Variants in DMAC1 observed in about 807,000 individuals in gnomAD.
DMAC1 encodes distal membrane arm assembly component 1.
In DMAC1, 10 loss-of-function variants were observed where a neutral mutation model predicts 7.0. That is an observed-to-expected ratio of 1.43 (90% CI 0.88 to 2.43). The LOEUF is 2.43. Ranked by LOEUF, DMAC1 falls within the 30% of genes most tolerant of loss-of-function variation. The probability of loss-of-function intolerance (pLI) is 0.00; values close to 1 mark genes in which losing one functional copy is unlikely to be tolerated. For synonymous variants in DMAC1, 92 were observed against 66.2 expected, an observed-to-expected ratio of 1.39 and a Z score of -1.90; for missense variants, 219 against 158.7, an observed-to-expected ratio of 1.38 and a Z score of -2.04.
chr9:7,798,839 A>T (rs1228331173), intron 1 of DMAC1, among the ~76,000 whole-genome samples: 2 of 152,188 alleles, frequency 1.3e-5, no homozygotes, highest in African/African-American at 4.8e-5. Flanking sequence ...ATTTACCTAT[A>T]CAGGATCAAG....
In DMAC1 at chr9:7,798,358, G is replaced by C. The variant is rs1171790046; in HGVS notation, c.*215C>G. 1 of 526,254 alleles carries C rather than the reference G, an allele frequency of 1.9e-6. No individual in the cohort carries two copies. The highest frequency in any genetic ancestry group is 3.5e-6 in the Non-Finnish European group (1 of 288,534). The allele number at this position is 526,254 out of a possible 1,614,324, so 32.6% of individuals were successfully genotyped here. On this transcript the variant is annotated 3_prime_UTR_variant, in exon 2 of 2. Coordinates refer to ENST00000358227, the MANE Select transcript of DMAC1 (RefSeq NM_033428.3). ...CAAAGAACCTGTTTACTTCTCTGAG[G>C]GATTTATTGGTTCCTGTGAAATCTG...
chr9:7,797,889 C>T lies in DMAC1; in HGVS notation c.*684G>A, dbSNP rs1818647055. On this transcript the variant is annotated 3_prime_UTR_variant, in exon 2 of 2. Coordinates refer to ENST00000358227, the MANE Select transcript of DMAC1 (RefSeq NM_033428.3). ...CACGGACTTACTGAATGACCCTAGG[C>T]AAATCATGTGGGCTCTTTCTTGTGT... The T allele has an allele frequency of 6.6e-6, 1 of 152,138 alleles. No homozygotes were observed. Among genetic ancestry groups the T allele is most frequent in the Non-Finnish European group, 1.5e-5 (1 of 68,044 alleles). 9.4% of individuals were successfully genotyped at this position (152,138 alleles called of 1,614,324 possible).
Position 7,799,768 on chromosome 9 carries a change from T to A in DMAC1, c.-34A>T. On this transcript the variant is annotated 5_prime_UTR_variant, in exon 1 of 2. Transcript: ENST00000358227. Reference sequence around the variant, plus strand: ...ACTCGGCCTCAACCTTGGGCGTCTTTGGTTCAAACTGGCGTAAACGACGCA... The same window carrying A: ...ACTCGGCCTCAACCTTGGGCGTCTTAGGTTCAAACTGGCGTAAACGACGCA... 6.7e-7 allele frequency: 1 copy of A among 1,495,304 alleles called. No homozygotes were observed. The highest frequency in any genetic ancestry group is 8.9e-7 in the Non-Finnish European group (1 of 1,128,298). The allele number at this position is 1,495,304 out of a possible 1,614,324, so 92.6% of individuals were successfully genotyped here.
At chr9:7,798,993 G>T (rs185294932) in intron 1 of DMAC1, among the ~76,000 whole-genome samples, 1 of 152,184 alleles carries the variant, frequency 6.6e-6, no homozygotes, top group Admixed American at 6.5e-5. Context: ...CCAAGTAGGT[G>T]AGCTTAGAAT....
At chr9:7,798,671 C>G (rs781345445) in intron 1 of DMAC1, 34 bp from the exon 2 acceptor site, 11 of 1,491,538 alleles carry the variant, frequency 7.4e-6, no homozygotes, top group Non-Finnish European at 9.9e-6. Flanking sequence ...TACCTTTATG[C>G]TGCATTTAAA....
Position 7,799,473 on chromosome 9 carries a change from C to T in DMAC1, c.262G>A (p.Val88Ile), listed in dbSNP as rs771891192. Residue 88 changes from valine (V) to isoleucine (I), a missense_variant, in exon 1 of 2, where the codon GTC becomes ATC. Transcript: ENST00000358227. Reference protein sequence around the residue: ...PPSPWTITQMVIGLSIATWGI... With the variant: ...PPSPWTITQMIIGLSIATWGI... ...CCTTGATTCTCACTGAGGCCGATGA[C>T]CATCTGCGTAATGGTCCATGGACTC... 4 of 1,612,808 alleles carry T rather than the reference C, an allele frequency of 2.5e-6. No homozygotes were observed. Among genetic ancestry groups the T allele is most frequent in the Non-Finnish European group, 3.4e-6 (4 of 1,180,014 alleles).
In DMAC1 at chr9:7,799,478, T is replaced by C. The variant is rs368682578; in HGVS notation, c.257A>G (p.Gln86Arg). ...GYPPSPWTIT[Q>R]MVIGLSIATW... is the part of the protein sequence containing the mutation. The stretch of plus-strand genomic sequence containing the variant: ...ATTCTCACTGAGGCCGATGACCATC[T>C]GCGTAATGGTCCATGGACTCGGGGG... The change falls in exon 1 of 2, where the codon CAG becomes CGG. Residue 86 changes from glutamine to arginine, a missense_variant. Coordinates refer to ENST00000358227, the MANE Select transcript of DMAC1 (RefSeq NM_033428.3). 5 of 1,612,730 alleles carry C rather than the reference T, an allele frequency of 3.1e-6. No homozygotes were observed. Among genetic ancestry groups the C allele is most frequent in the African/African-American group, 2.7e-5 (2 of 74,830 alleles).
Position 7,799,606 on chromosome 9 carries a change from C to T in DMAC1, c.129G>A (p.Leu43=). 1 of 1,613,446 alleles carries T rather than the reference C, an allele frequency of 6.2e-7. No individual in the cohort carries two copies. The highest frequency in any genetic ancestry group is 8.5e-7 in the Non-Finnish European group (1 of 1,179,936). ...GAPTSPAEHR[L]LKTCWSCRVL... ...CGCGACAGCTCCAGCAGGTCTTCAA[C>T]AGGCGGTGTTCTGCTGGGGAGGTCG... Residue 43 remains leucine (L), a synonymous_variant, in exon 1 of 2, where the codon CTG becomes CTA. Transcript: ENST00000358227.
chr9:7,799,679 G>C lies in DMAC1; in HGVS notation c.56C>G (p.Thr19Ser), dbSNP rs368028558. 1.2e-4 allele frequency: 192 copies of C among 1,602,010 alleles called. No individual in the cohort carries two copies. Among genetic ancestry groups the C allele is most frequent in the Non-Finnish European group, 1.6e-4 (183 of 1,176,646 alleles). Reference protein sequence around the residue: ...FESYITAPPGTAAAPAKPAPP... With the variant: ...FESYITAPPGSAAAPAKPAPP... Reference sequence around the variant, plus strand: ...CGCAGGTTTGGCGGGCGCGGCGGCGGTACCGGGAGGCGCAGTGATATAGGA... The same window carrying C: ...CGCAGGTTTGGCGGGCGCGGCGGCGCTACCGGGAGGCGCAGTGATATAGGA... Residue 19 changes from threonine to serine, a missense_variant, in exon 1 of 2, where the codon ACC (threonine) becomes AGC (serine). Thr to Ser is a moderately conservative substitution (Grantham distance 58, BLOSUM62 1). Coordinates refer to ENST00000358227, the MANE Select transcript of DMAC1 (RefSeq NM_033428.3).
chr9:7,797,167 G>A lies in DMAC1; in HGVS notation c.*1406C>T, dbSNP rs181961046. On this transcript the variant is annotated 3_prime_UTR_variant, in exon 2 of 2. Coordinates refer to ENST00000358227, the MANE Select transcript of DMAC1 (RefSeq NM_033428.3). The stretch of plus-strand genomic sequence containing the variant: ...CAACTTGTCTTTGTAGGTATTTTAG[G>A]TATATGAATGACCATATGTATCTGC... 1 of 152,298 alleles carries A rather than the reference G, an allele frequency of 6.6e-6. No individual in the cohort carries two copies. The highest frequency in any genetic ancestry group is 1.5e-5 in the Non-Finnish European group (1 of 68,024). 9.4% of individuals were successfully genotyped at this position (152,298 alleles called of 1,614,324 possible). A position where few individuals can be genotyped will look rare whatever the true frequency, so the allele number is the denominator to read the frequency against.
rs534882126 is a variant in DMAC1 at position 7,796,601 on chromosome 9, C to A, written c.*1972G>T. 2 of 152,296 alleles carry A rather than the reference C, an allele frequency of 1.3e-5. No homozygotes were observed. The highest frequency in any genetic ancestry group is 4.1e-4 in the South Asian group (2 of 4,826). The allele number at this position is 152,296 out of a possible 1,614,324, so 9.4% of individuals were successfully genotyped here. On this transcript the variant is annotated 3_prime_UTR_variant, in exon 2 of 2. Coordinates refer to ENST00000358227, the MANE Select transcript of DMAC1 (RefSeq NM_033428.3). Reference sequence around the variant, plus strand: ...GCTATTACAATACAGTTGACCCAAACAACACAGGTTTGAACTGCGCAGGTC... The same window carrying A: ...GCTATTACAATACAGTTGACCCAAAAAACACAGGTTTGAACTGCGCAGGTC...
chr9:7,797,720 G>C lies in DMAC1; in HGVS notation c.*853C>G, dbSNP rs1208284564. 1 of 150,952 alleles carries C rather than the reference G, an allele frequency of 6.6e-6. No individual in the cohort carries two copies. Among genetic ancestry groups the C allele is most frequent in the East Asian group, 1.9e-4 (1 of 5,172 alleles). 9.4% of individuals were successfully genotyped at this position (150,952 alleles called of 1,614,324 possible). ...AAGATCTTTTTTTTTTTTAGCTAAAGGTTTTGAATTTTTCTTGTGACATTT... is the reference window on the plus strand; with the variant it reads ...AAGATCTTTTTTTTTTTTAGCTAAACGTTTTGAATTTTTCTTGTGACATTT... On this transcript the variant is annotated 3_prime_UTR_variant, in exon 2 of 2. Coordinates refer to ENST00000358227, the MANE Select transcript of DMAC1 (RefSeq NM_033428.3).
In DMAC1 at chr9:7,797,848, C is replaced by CAGT. The variant is rs1818644772; in HGVS notation, c.*724_*725insACT. Reference sequence around the variant, plus strand: ...GACTAGAACAAAAAACTGACAAGAACAAGTTCTAGCTCCATCACGGACTTA... The same window carrying CAGT: ...GACTAGAACAAAAAACTGACAAGAACAGTAAGTTCTAGCTCCATCACGGACTTA... On this transcript the variant is annotated 3_prime_UTR_variant, in exon 2 of 2. Coordinates refer to ENST00000358227, the MANE Select transcript of DMAC1 (RefSeq NM_033428.3). 1 of 152,152 alleles carries CAGT rather than the reference C, an allele frequency of 6.6e-6. No homozygotes were observed. Among genetic ancestry groups the CAGT allele is most frequent in the South Asian group, 2.1e-4 (1 of 4,834 alleles). The allele number at this position is 152,152 out of a possible 1,614,324, so 9.4% of individuals were successfully genotyped here. A position where few individuals can be genotyped will look rare whatever the true frequency, so the allele number is the denominator to read the frequency against.
intron 1 of DMAC1, 78 bp downstream of exon 1, chr9:7,799,379 TCCCC>T: frequency 1.3e-6 from 1 of 758,496 alleles, no homozygotes; most frequent in Admixed American, 3.6e-5. Flanking sequence ...CCTCCCCGCC[TCCCC>T]GCCCACGTGG....
At chr9:7,798,754 T>C (rs1187842813) in intron 1 of DMAC1, 117 bp from the exon 2 acceptor site, 2 of 784,888 alleles carry the variant, frequency 2.5e-6, no homozygotes, top group African/African-American at 1.8e-5. Flanking sequence ...ATTACCATTG[T>C]ATCTTTCTTA....
In DMAC1 at chr9:7,797,062, T is replaced by C. The variant is rs1280580602; in HGVS notation, c.*1511A>G. The C allele has an allele frequency of 1.3e-5, 2 of 152,230 alleles. No individual in the cohort carries two copies. Among genetic ancestry groups the C allele is most frequent in the Admixed American group, 6.5e-5 (1 of 15,286 alleles). The allele number at this position is 152,230 out of a possible 1,614,324, so 9.4% of individuals were successfully genotyped here. On this transcript the variant is annotated 3_prime_UTR_variant, in exon 2 of 2. Transcript: ENST00000358227. ...AAGCCAAGACCAAGTTAGGTTTATGTGTTTTTGGTTTAACCAAAGAAAATG... is the reference window on the plus strand; with the variant it reads ...AAGCCAAGACCAAGTTAGGTTTATGCGTTTTTGGTTTAACCAAAGAAAATG...
In DMAC1 at chr9:7,798,454, C is replaced by G. The variant is rs142993570; in HGVS notation, c.*119G>C. The G allele has an allele frequency of 6.4e-6, 7 of 1,094,842 alleles. 1 individual carries two copies. In the South Asian group the frequency reaches 8.7e-5, roughly 14 times the overall value. The allele number at this position is 1,094,842 out of a possible 1,614,324, so 67.8% of individuals were successfully genotyped here. A position where few individuals can be genotyped will look rare whatever the true frequency, so the allele number is the denominator to read the frequency against. On this transcript the variant is annotated 3_prime_UTR_variant, in exon 2 of 2. Coordinates refer to ENST00000358227, the MANE Select transcript of DMAC1 (RefSeq NM_033428.3). ...TTTCTTCTCAGTCTTGTAGTATCCA[C>G]AGTAGTGATGTCTGTCCATGTACAA...
chr9:7,799,680 T>C lies in DMAC1; in HGVS notation c.55A>G (p.Thr19Ala), dbSNP rs139533992. Reference protein sequence around the residue: ...FESYITAPPGTAAAPAKPAPP... With the variant: ...FESYITAPPGAAAAPAKPAPP... ...GCAGGTTTGGCGGGCGCGGCGGCGG[T>C]ACCGGGAGGCGCAGTGATATAGGAC... Residue 19 changes from threonine to alanine, a missense_variant, in exon 1 of 2, where the codon ACC (threonine) becomes GCC (alanine). By Grantham distance (58) the Thr-to-Ala change is moderately conservative. Coordinates refer to ENST00000358227, the MANE Select transcript of DMAC1 (RefSeq NM_033428.3). 32 of 1,601,650 alleles carry C rather than the reference T, an allele frequency of 2.0e-5. No individual in the cohort carries two copies. The African/African-American group carries it at 3.9e-4, about 19-fold the overall frequency.
At position 7,798,647 on chromosome 9, in the gene DMAC1, AAAC is replaced by A. The variant is rs545076982; in HGVS notation, c.275-13_275-11del. The A allele has an allele frequency of 8.5e-4, 1,329 of 1,555,912 alleles. 21 individuals are homozygous for A. In the South Asian group the frequency reaches 0.014, roughly 17 times the overall value. On this transcript the variant is annotated splice_polypyrimidine_tract_variant and intron_variant, in intron 1 of 1. Transcript: ENST00000358227. Reference sequence around the variant, plus strand: ...CCCCAGGTGGCAATGCCTAGAAAAAAAACAACAATACCTTACCTTTATGCTGCA... The same window carrying A: ...CCCCAGGTGGCAATGCCTAGAAAAAAAACAATACCTTACCTTTATGCTGCA...
Sources: gnomAD v4.1 joint callset for allele counts (sites outside exome capture counted in the v4.1 genomes callset) on GRCh38, gnomAD v4.1.1 for gene constraint, MANE v1.5 for transcripts, NCBI Gene and HGNC (gene_info 2026-07-23, HGNC 2026-07-21) for gene names.